SMG5: variants seen among roughly 807,000 people sequenced by gnomAD.
The protein encoded by SMG5 is nonsense-mediated mRNA decay factor SMG5.
SMG5 carries 53 observed loss-of-function variants against 122.9 expected under a neutral mutation model. The ratio of observed to expected loss-of-function variants is 0.43; its 90% confidence interval spans 0.35 to 0.54. SMG5 has a LOEUF of 0.54. SMG5 is among the 20% of genes least tolerant of loss of function. The probability of loss-of-function intolerance (pLI) is 0.01; values close to 1 mark genes in which losing one functional copy is unlikely to be tolerated. For synonymous variants in SMG5, 477 were observed against 490.2 expected, an observed-to-expected ratio of 0.97 and a Z score of 0.35; for missense variants, 1,153 against 1,285.6, an observed-to-expected ratio of 0.90 and a Z score of 1.58.
At chr1:156,287,767 C>T (rs892705601), upstream of SMG5, among the ~76,000 whole-genome samples, 4 of 152,024 alleles carry the variant, frequency 2.6e-5, no homozygotes, top group African/African-American at 9.7e-5. Context: ...CAGGCGCCCA[C>T]CACCAGGCCC....
At chr1:156,260,245 G>A (rs1370014415) in intron 15 of SMG5, among the ~76,000 whole-genome samples, 1 of 152,184 alleles carries the variant, frequency 6.6e-6, no homozygotes, top group African/African-American at 2.4e-5. Flanking sequence ...ACTACCAATG[G>A]CAGACCTTTA....
At chr1:156,267,726 G>A in intron 9 of SMG5, 48 bp from the exon 10 acceptor site, 3 of 1,480,788 alleles carry the variant, frequency 2.0e-6, no homozygotes, top group Non-Finnish European at 2.8e-6. Flanking sequence ...GGGGGCTGGG[G>A]AAGGAGAAGA....
rs199728930 is a variant in SMG5, at chr1:156,277,291, G to A, written c.298-50C>T. On this transcript the variant is annotated intron_variant, in intron 3 of 21. Transcript: ENST00000361813. The stretch of plus-strand genomic sequence containing the variant: ...CTGGTTAAGCAATAAACTCAGAGTC[G>A]CACTCACCCTCCCTTACCCTGTTCA... 1.4e-4 allele frequency: 222 copies of A among 1,576,958 alleles called. 1 individual carries two copies. In the East Asian group the frequency reaches 4.7e-3, roughly 33 times the overall value.
chr1:156,278,801 A>C, intron 2 of SMG5, 135 bp downstream of exon 2: 2 of 704,176 alleles, frequency 2.8e-6, no homozygotes, highest in Non-Finnish European at 2.5e-6. Flanking sequence ...TAGGAAGGCC[A>C]GAGATTTCAG....
rs745489433 is a variant in SMG5 at position 156,251,000 on chromosome 1, G to A, written c.2829-4C>T. 44 of 1,612,460 alleles carry A rather than the reference G, an allele frequency of 2.7e-5. No individual in the cohort carries two copies. Among genetic ancestry groups the A allele is most frequent in the Non-Finnish European group, 3.4e-5 (40 of 1,178,968 alleles). On this transcript the variant is annotated splice_polypyrimidine_tract_variant and splice_region_variant and intron_variant, in intron 20 of 21. Transcript: ENST00000361813. ...GTCTAGGATCTTATAGAGAGTCCTG[G>A]GGATGGGGGGCAGAGGGGAAGATGG...
chr1:156,253,406 C>T, intron 17 of SMG5, 43 bp downstream of exon 17: 25 of 1,598,976 alleles, frequency 1.6e-5, no homozygotes, highest in Non-Finnish European at 2.1e-5. Context: ...GACACAAAAG[C>T]TCTACCAAGT....
chr1:156,259,755 C>T (rs1367218044), intron 15 of SMG5, among the ~76,000 whole-genome samples: 1 of 152,154 alleles, frequency 6.6e-6, no homozygotes, highest in Non-Finnish European at 1.5e-5. Context: ...TTCTTAAACT[C>T]CTGAGCTCAA....
intron 7 of SMG5, among the ~76,000 whole-genome samples, chr1:156,268,870 T>C (rs150999754): frequency 5.8e-4 from 88 of 152,298 alleles, no homozygotes; most frequent in African/African-American, 1.4e-3. Context: ...TACCCTAATA[T>C]TGTCCACATT....
Position 156,272,796 on chromosome 1 carries a change from C to T in SMG5, c.635-398G>A, listed in dbSNP as rs189467078. Among the ~76,000 whole-genome samples the T allele has an allele frequency of 8.0e-4, 122 of 152,152 alleles. 2 individuals are homozygous for T. The East Asian group carries it at 0.019, about 23-fold the overall frequency. The stretch of plus-strand genomic sequence containing the variant: ...TTTCACCGTGGTCTCAATCTCCTGA[C>T]GTCGTGATCTGCCCGCCTCAGCCTC... On this transcript the variant is annotated intron_variant, in intron 6 of 21. Transcript: ENST00000361813.
chr1:156,251,292 G>A lies in SMG5; in HGVS notation c.2828+111C>T, dbSNP rs553493000. ...GAGGCCTGCAGGAGGGCCCTGGCAG[G>A]CTACGTGTGGAGCCTCAGAATTATC... On this transcript the variant is annotated intron_variant, in intron 20 of 21. Transcript: ENST00000361813. 1.3e-5 allele frequency: 17 copies of A among 1,294,982 alleles called. No individual in the cohort carries two copies. The Admixed American group carries it at 1.5e-4, about 12-fold the overall frequency. The allele number at this position is 1,294,982 out of a possible 1,614,324, so 80.2% of individuals were successfully genotyped here. A position where few individuals can be genotyped will look rare whatever the true frequency, so the allele number is the denominator to read the frequency against.
At chr1:156,266,721 T>C (rs1662169341) in intron 10 of SMG5, 43 bp from the exon 11 acceptor site, 1 of 1,611,056 alleles carries the variant, frequency 6.2e-7, no homozygotes. Context: ...AGGGCCCTGA[T>C]GAGGAGTAGG....
intron 7 of SMG5, 82 bp downstream of exon 7, chr1:156,272,238 A>C: frequency 8.1e-7 from 1 of 1,236,846 alleles, no homozygotes; most frequent in South Asian, 1.3e-5. Context: ...AGCTAGAGGA[A>C]GGAGGAAGGG....
At chr1:156,263,288 A>G (rs1661942801) in intron 13 of SMG5, 107 bp downstream of exon 13, 3 of 1,285,188 alleles carry the variant, frequency 2.3e-6, no homozygotes, top group Admixed American at 2.2e-5. Flanking sequence ...TTGCTTGGCA[A>G]TAATTCTTGC....
intron 17 of SMG5, 38 bp from the exon 18 acceptor site, chr1:156,253,116 A>AC: frequency 7.2e-6 from 11 of 1,537,372 alleles, no homozygotes; most frequent in Non-Finnish European, 9.6e-6. Context: ...GCTGTGGGGG[A>AC]CCCCTGCAGC....
At chr1:156,281,412 G>A (rs1662931604) in intron 1 of SMG5, among the ~76,000 whole-genome samples, 1 of 152,172 alleles carries the variant, frequency 6.6e-6, no homozygotes, top group African/African-American at 2.4e-5. Flanking sequence ...GCATGATAAG[G>A]CACACGTGCC....
chr1:156,265,682 A>T lies in SMG5; in HGVS notation c.1855+99T>A, dbSNP rs147832172. The stretch of plus-strand genomic sequence containing the variant: ...CAGAGGGCCAAAGGTAAGGGTAGAG[A>T]CGAGAGGTCATTCACACAGATAGGA... On this transcript the variant is annotated intron_variant, in intron 12 of 21. Transcript: ENST00000361813. The T allele has an allele frequency of 1.9e-4, 282 of 1,518,446 alleles. 1 individual carries two copies. The African/African-American group carries it at 3.2e-3, about 17-fold the overall frequency. The allele number at this position is 1,518,446 out of a possible 1,614,324, so 94.1% of individuals were successfully genotyped here.
At position 156,282,767 on chromosome 1, in the gene SMG5, A is replaced by AGCC. The variant is rs766141653; in HGVS notation, c.-90_-88dup. ...CACTGCCGTCTCCGGCCGTAGCCGC[A>AGCC]GCCGCCGCCGCCACCGGCCCTGCTC... On this transcript the variant is annotated 5_prime_UTR_variant, in exon 1 of 22. Transcript: ENST00000361813. The AGCC allele has an allele frequency of 5.1e-5, 71 of 1,401,636 alleles. No individual in the cohort carries two copies. The highest frequency in any genetic ancestry group is 3.8e-4 in the Middle Eastern group (2 of 5,202). The allele number at this position is 1,401,636 out of a possible 1,614,324, so 86.8% of individuals were successfully genotyped here. A position where few individuals can be genotyped will look rare whatever the true frequency, so the allele number is the denominator to read the frequency against.
chr1:156,286,245 C>T (rs1663157152), upstream of SMG5: 1 of 1,613,208 alleles, frequency 6.2e-7, no homozygotes, highest in African/African-American at 1.3e-5. Context: ...TACCCTGTTT[C>T]CCAACTCCAC....
intron 14 of SMG5, 71 bp from the exon 15 acceptor site, chr1:156,260,697 C>G: frequency 7.4e-7 from 1 of 1,359,634 alleles, no homozygotes; most frequent in South Asian, 1.7e-5. Context: ...ATAACCCTTC[C>G]CTTTGGGAAT....
Sources: allele counts gnomAD v4.1 joint callset (sites outside exome capture counted in the v4.1 genomes callset), GRCh38; gene constraint gnomAD v4.1.1; transcripts MANE v1.5; gene names NCBI Gene and HGNC (gene_info 2026-07-23, HGNC 2026-07-21).